Variants in GRM7 observed in about 807,000 individuals in gnomAD.
GRM7 encodes the protein metabotropic glutamate receptor 7.
Under a neutral mutation model 84.5 loss-of-function variants are expected in GRM7, and 35 were observed. The observed-to-expected ratio is 0.41, with a 90% confidence interval of 0.32 to 0.55. The LOEUF is 0.55. Ranked by LOEUF, GRM7 falls within the 20% of genes least tolerant of loss-of-function variation. GRM7 has a pLI of 0.19. For missense variants in GRM7, 1,003 were observed against 1,194.6 expected, an observed-to-expected ratio of 0.84 and a Z score of 2.36; for synonymous variants, 487 against 455.1, an observed-to-expected ratio of 1.07 and a Z score of -0.89.
chr3:7,574,423 G>A (rs1248856526), intron 7 of GRM7, among the ~76,000 whole-genome samples: 5 of 152,174 alleles, frequency 3.3e-5, no homozygotes, highest in African/African-American at 4.8e-5. Flanking sequence ...CTCCCAAAGT[G>A]CTGGGATTAC....
chr3:7,123,323 T>C (rs1234003241), intron 1 of GRM7, among the ~76,000 whole-genome samples: 1 of 152,070 alleles, frequency 6.6e-6, no homozygotes, highest in Non-Finnish European at 1.5e-5. Context: ...TGTGCACTCT[T>C]TTTAAGAAAG....
rs547503729 is a variant in GRM7 at position 7,196,167 on chromosome 3, T to A, written c.736+49499T>A. 7.0e-4 allele frequency among the ~76,000 whole-genome samples: 107 copies of A among 152,082 alleles called. 1 individual carries two copies. The highest frequency in any genetic ancestry group is 1.2e-3 in the Non-Finnish European group (84 of 67,992). ...GATCCAGGAAAAGGCTATGTTGCAG[T>A]TCAAATCTGGAAGGCTGTCTTCTAG... On this transcript the variant is annotated intron_variant, in intron 2 of 9. Coordinates refer to ENST00000357716, the MANE Select transcript of GRM7 (RefSeq NM_000844.4).
chr3:7,459,985 G>A (rs1207758880), intron 6 of GRM7, among the ~76,000 whole-genome samples: 1 of 150,518 alleles, frequency 6.6e-6, no homozygotes, highest in Non-Finnish European at 1.5e-5. Flanking sequence ...CATAGATCAA[G>A]AGTGACAAGA....
At chr3:6,876,441 T>C (rs984299857) in intron 1 of GRM7, among the ~76,000 whole-genome samples, 2 of 152,034 alleles carry the variant, frequency 1.3e-5, no homozygotes, top group Non-Finnish European at 2.9e-5. Flanking sequence ...ATCCAAGTTT[T>C]TTGAGAGTCA....
intron 4 of GRM7, among the ~76,000 whole-genome samples, chr3:7,379,206 G>A (rs1181072228): frequency 1.3e-5 from 2 of 152,126 alleles, no homozygotes; most frequent in South Asian, 2.1e-4. Context: ...CCAAGTAGCT[G>A]TAACTATAGG....
At chr3:7,632,863 CT>C (rs1305512387) in intron 8 of GRM7, among the ~76,000 whole-genome samples, 3 of 152,146 alleles carry the variant, frequency 2.0e-5, no homozygotes, top group Non-Finnish European at 4.4e-5. Context: ...TTCAGTGCAT[CT>C]TTAAAAAGTA....
At chr3:7,126,872 A>T (rs1466139474) in intron 1 of GRM7, among the ~76,000 whole-genome samples, 1 of 152,168 alleles carries the variant, frequency 6.6e-6, no homozygotes, top group Non-Finnish European at 1.5e-5. Context: ...ATAGCCAATG[A>T]TCTAAATTTG....
intron 7 of GRM7, among the ~76,000 whole-genome samples, chr3:7,494,871 A>G (rs1452073070): frequency 6.6e-6 from 1 of 152,184 alleles, no homozygotes; most frequent in East Asian, 1.9e-4. Flanking sequence ...TTAATTGTTA[A>G]ATCATTTTTA....
intron 4 of GRM7, among the ~76,000 whole-genome samples, chr3:7,390,193 T>A (rs934693157): frequency 6.6e-6 from 1 of 152,172 alleles, no homozygotes; most frequent in Non-Finnish European, 1.5e-5. Flanking sequence ...CAATCTCTTC[T>A]GGATTGTAAG....
chr3:7,243,519 A>C (rs1212576055), intron 2 of GRM7, among the ~76,000 whole-genome samples: 2 of 152,092 alleles, frequency 1.3e-5, no homozygotes, highest in Non-Finnish European at 2.9e-5. Flanking sequence ...AAACTTTCCT[A>C]GAGTTTCTAT....
intron 8 of GRM7, among the ~76,000 whole-genome samples, chr3:7,667,592 G>T (rs1430863839): frequency 6.6e-6 from 1 of 151,954 alleles, no homozygotes; most frequent in Non-Finnish European, 1.5e-5. Context: ...TCAGAAGTCA[G>T]ATGAAGCAAT....
chr3:7,312,709 T>C (rs1700443997), intron 4 of GRM7, among the ~76,000 whole-genome samples: 1 of 152,062 alleles, frequency 6.6e-6, no homozygotes, highest in African/African-American at 2.4e-5. Flanking sequence ...ATCCTGACCA[T>C]TGGGATGGAT....
At chr3:7,099,366 A>G (rs890429960) in intron 1 of GRM7, among the ~76,000 whole-genome samples, 6 of 146,930 alleles carry the variant, frequency 4.1e-5, no homozygotes, top group African/African-American at 1.5e-4. Context: ...ACACATGTAT[A>G]CATATATACA....
chr3:7,506,965 T>C (rs1262911937), intron 7 of GRM7, among the ~76,000 whole-genome samples: 3 of 152,158 alleles, frequency 2.0e-5, no homozygotes, highest in Non-Finnish European at 2.9e-5. Flanking sequence ...ACACCTACCA[T>C]CTTTTATCAG....
At chr3:6,941,039 G>C (rs17750635) in intron 1 of GRM7, among the ~76,000 whole-genome samples, 1 of 152,172 alleles carries the variant, frequency 6.6e-6, no homozygotes, top group Non-Finnish European at 1.5e-5. Context: ...GCCTCCATCA[G>C]TCCCTGCCTC....
chr3:6,874,085 C>A lies in GRM7; in HGVS notation c.519+12178C>A, dbSNP rs1388406991. Among the ~76,000 whole-genome samples, 4 of 152,132 alleles carry A rather than the reference C, an allele frequency of 2.6e-5. 1 individual carries two copies. Among genetic ancestry groups the A allele is most frequent in the Admixed American group, 2.6e-4 (4 of 15,276 alleles). On this transcript the variant is annotated intron_variant, in intron 1 of 9. Coordinates refer to ENST00000357716, the MANE Select transcript of GRM7 (RefSeq NM_000844.4). The stretch of plus-strand genomic sequence containing the variant: ...AGGTGTTTATTGTAACCTCTCTAAG[C>A]CTGTGTCTACCTCTGAAAGAAAGAA...
chr3:6,904,970 C>T (rs769708972), intron 1 of GRM7, among the ~76,000 whole-genome samples: 6 of 152,084 alleles, frequency 3.9e-5, no homozygotes, highest in Non-Finnish European at 5.9e-5. Flanking sequence ...TCTCCTGTCC[C>T]GGCTGCCCAA....
intron 2 of GRM7, among the ~76,000 whole-genome samples, chr3:7,181,649 C>T (rs1368681287): frequency 6.6e-6 from 1 of 152,060 alleles, no homozygotes; most frequent in Non-Finnish European, 1.5e-5. Context: ...TGCTCTGTCA[C>T]CCAGGCTGGA....
chr3:7,093,502 AC>A (rs1698739272), intron 1 of GRM7, among the ~76,000 whole-genome samples: 1 of 150,966 alleles, frequency 6.6e-6, no homozygotes, highest in African/African-American at 2.4e-5. Flanking sequence ...ATATGGTGAA[AC>A]CCCGTCTCTA....
Sources: gnomAD v4.1 joint callset for allele counts (sites outside exome capture counted in the v4.1 genomes callset) on GRCh38, gnomAD v4.1.1 for gene constraint, MANE v1.5 for transcripts, NCBI Gene and HGNC (gene_info 2026-07-23, HGNC 2026-07-21) for gene names.